The following NINL variants were observed in gnomAD, a reference collection of about 807,000 sequenced individuals.
NINL encodes ninein like.
NINL carries 153 observed loss-of-function variants against 160.3 expected under a neutral mutation model. The observed-to-expected ratio is 0.95, with a 90% CI of 0.84 to 1.09. NINL has a LOEUF of 1.09. Among genes scored for constraint, NINL ranks in the 50% least tolerant of loss-of-function variants. The pLI is 0.00. For synonymous variants in NINL, 800 were observed against 734.8 expected (o/e 1.09, Z -1.43); for missense variants, 1,829 against 1,764.0 (o/e 1.04, Z -0.66).
chr20:25,509,647 C>T (rs1382136929), intron 5 of NINL: 4 of 456,620 alleles, frequency 8.8e-6, no homozygotes, highest in Non-Finnish European at 1.8e-5. Context: ...GTCTGGCCAC[C>T]ACACTGATCC....
intron 13 of NINL, 33 bp downstream of exon 13, chr20:25,489,211 T>G (rs758381436): frequency 5.6e-6 from 9 of 1,604,772 alleles, no homozygotes; most frequent in Non-Finnish European, 7.7e-6. Context: ...AGCCTGGACA[T>G]GAGACTAAAA....
chr20:25,570,177 C>T lies in NINL; in HGVS notation c.-12+15278G>A, dbSNP rs1348780944. On this transcript the variant is annotated intron_variant, in intron 1 of 23. Coordinates refer to ENST00000278886, the MANE Select transcript of NINL (RefSeq NM_025176.6). ...CCTGGGCGACAGAGCAAAACTCTGT[C>T]TCAAAACAAAACAAAAGCTAGAAAT... Among the ~76,000 whole-genome samples, 2 of 152,098 alleles carry T rather than the reference C, an allele frequency of 1.3e-5. 1 individual carries two copies. Among genetic ancestry groups the T allele is most frequent in the African/African-American group, 4.8e-5 (2 of 41,424 alleles).
chr20:25,581,132 A>G (rs979682122), intron 1 of NINL, among the ~76,000 whole-genome samples: 1 of 152,160 alleles, frequency 6.6e-6, no homozygotes. Context: ...TCTAGTAGCT[A>G]CCTGCTCATG....
At chr20:25,561,641 C>T (rs1433275555) in intron 1 of NINL, among the ~76,000 whole-genome samples, 8 of 151,338 alleles carry the variant, frequency 5.3e-5, no homozygotes, top group Admixed American at 1.3e-4. Context: ...CGTCTCTGCC[C>T]AGCCGCCCAT....
chr20:25,564,780 G>A (rs2064982121), intron 1 of NINL, among the ~76,000 whole-genome samples: 1 of 146,648 alleles, frequency 6.8e-6, no homozygotes, highest in Admixed American at 7.1e-5. Context: ...AGCCTGAAAG[G>A]TGCCATTTAA....
At chr20:25,503,895 T>C in intron 7 of NINL, 57 bp downstream of exon 7, 3 of 1,606,432 alleles carry the variant, frequency 1.9e-6, no homozygotes, top group Admixed American at 1.7e-5. Context: ...GCAGTTTTAG[T>C]CACCAGAGAG....
intron 17 of NINL, 24 bp from the exon 18 acceptor site, chr20:25,470,119 C>A: frequency 1.9e-6 from 3 of 1,596,084 alleles, no homozygotes; most frequent in South Asian, 1.1e-5. Context: ...GAGAAAAGAC[C>A]GGTGAGCACT....
chr20:25,499,182 G>A (rs1196101119), intron 8 of NINL: 2 of 985,298 alleles, frequency 2.0e-6, no homozygotes, highest in African/African-American at 1.7e-5. Context: ...CTCCTGAGGA[G>A]CAATGGCATC....
At chr20:25,471,774 C>T (rs1406033602) in intron 17 of NINL, among the ~76,000 whole-genome samples, 1 of 152,168 alleles carries the variant, frequency 6.6e-6, no homozygotes, top group African/African-American at 2.4e-5. Flanking sequence ...TTCAGACAGT[C>T]CCAGATTAGC....
chr20:25,468,074 GA>G (rs926246655), intron 18 of NINL, among the ~76,000 whole-genome samples: 2 of 150,358 alleles, frequency 1.3e-5, no homozygotes, highest in Non-Finnish European at 3.0e-5. Flanking sequence ...GCATAATTGG[GA>G]AAAAAAAAGG....
At position 25,476,519 on chromosome 20, in the gene NINL, C is replaced by G. The variant is rs1218157213; in HGVS notation, c.2772G>C (p.Glu924Asp). 6.2e-7 allele frequency: 1 copy of G among 1,601,698 alleles called. No homozygotes were observed. Among genetic ancestry groups the G allele is most frequent in the Non-Finnish European group, 8.5e-7 (1 of 1,179,834 alleles). ...VDGDIVPKEP[E>D]PFGASAAGLE... ...GCCCCGCTGCGCTCGCGCCGAAAGGCTCTGGCTCCTTTGGGACAATATCCC... is the reference window on the plus strand; with the variant it reads ...GCCCCGCTGCGCTCGCGCCGAAAGGGTCTGGCTCCTTTGGGACAATATCCC... The change falls in exon 17 of 24, where the codon GAG (glutamate) becomes GAC (aspartate). Residue 924 changes from glutamate to aspartate, a missense_variant. Coordinates refer to ENST00000278886, the MANE Select transcript of NINL (RefSeq NM_025176.6).
Position 25,453,320 on chromosome 20 carries a change from C to G in NINL, c.*131G>C. ...GGGCAGACCATTCATTAACTATCTG[C>G]GGGGTGAACAAAGAATCCCAATCCT... On this transcript the variant is annotated 3_prime_UTR_variant, in exon 24 of 24. Transcript: ENST00000278886. 1.3e-6 allele frequency: 1 copy of G among 760,002 alleles called. No homozygotes were observed. The allele number at this position is 760,002 out of a possible 1,614,324, so 47.1% of individuals were successfully genotyped here.
chr20:25,510,835 G>T, intron 4 of NINL, 95 bp from the exon 5 acceptor site: 1 of 944,740 alleles, frequency 1.1e-6, no homozygotes, highest in Non-Finnish European at 1.7e-6. Context: ...TTGGGGAAGT[G>T]GGGGATGGCT....
intron 14 of NINL, 199 bp downstream of exon 14, chr20:25,481,769 T>A: frequency 1.4e-6 from 1 of 736,872 alleles, no homozygotes; most frequent in Non-Finnish European, 2.2e-6. Context: ...CTCCTCCCTC[T>A]GCAGGTGACC....
intron 10 of NINL, 27 bp from the exon 11 acceptor site, chr20:25,491,552 A>G: frequency 1.9e-6 from 3 of 1,604,944 alleles, no homozygotes; most frequent in Non-Finnish European, 2.6e-6. Context: ...ATCACACGTC[A>G]GACATGTCAT....
intron 1 of NINL, among the ~76,000 whole-genome samples, chr20:25,571,827 C>T (rs576560614): frequency 3.6e-4 from 46 of 128,354 alleles, no homozygotes; most frequent in African/African-American, 1.2e-3. Context: ...AAGATCACAC[C>T]ACTGCACTCC....
chr20:25,567,906 AC>A (rs1296713051), intron 1 of NINL, among the ~76,000 whole-genome samples: 1 of 152,098 alleles, frequency 6.6e-6, no homozygotes, highest in Non-Finnish European at 1.5e-5. Flanking sequence ...AATGCAACAT[AC>A]AAAAATCTGT....
At chr20:25,557,493 T>G (rs1226086068) in intron 1 of NINL, among the ~76,000 whole-genome samples, 1 of 151,416 alleles carries the variant, frequency 6.6e-6, no homozygotes, top group East Asian at 1.9e-4. Flanking sequence ...ATCACACCAC[T>G]GCACTCCACC....
chr20:25,557,462 C>T (rs1187247483), intron 1 of NINL, among the ~76,000 whole-genome samples: 1 of 149,624 alleles, frequency 6.7e-6, no homozygotes, highest in Non-Finnish European at 1.5e-5. Context: ...ACCCAGGAGG[C>T]GGAGGCTTCA....
Sources: allele counts gnomAD v4.1 joint callset (sites outside exome capture counted in the v4.1 genomes callset), GRCh38; gene constraint gnomAD v4.1.1; transcripts MANE v1.5; gene names NCBI Gene and HGNC (gene_info 2026-07-23, HGNC 2026-07-21).